Variants in IGF2R observed in about 807,000 individuals in gnomAD.
The protein encoded by IGF2R is insulin like growth factor 2 receptor.
A neutral mutation model predicts 270.6 loss-of-function variants in IGF2R; 91 were observed. The ratio of observed to expected loss-of-function variants is 0.34; its 90% confidence interval spans 0.28 to 0.40. The LOEUF (loss-of-function observed/expected upper bound fraction) is 0.40, where lower values mean the gene tolerates loss of function less well. IGF2R is among the 10% of genes least tolerant of loss of function. The pLI, the probability that IGF2R is intolerant of heterozygous loss-of-function variation, is 1.00. For synonymous variants in IGF2R, 1,316 were observed against 1,258.9 expected (o/e 1.05, Z -0.96); for missense variants, 2,805 against 3,188.3 (o/e 0.88, Z 2.90).
At chr6:160,016,709 G>C (rs529596137) in intron 4 of IGF2R, among the ~76,000 whole-genome samples, 59 of 152,162 alleles carry the variant, frequency 3.9e-4, no homozygotes, top group Non-Finnish European at 7.5e-4. Flanking sequence ...CACCAGCCTG[G>C]TATATTACTA....
At chr6:159,977,106 G>T (rs1313730751) in intron 1 of IGF2R, among the ~76,000 whole-genome samples, 2 of 152,342 alleles carry the variant, frequency 1.3e-5, no homozygotes, top group South Asian at 2.1e-4. Context: ...AATCTCAGCT[G>T]ATGTGTAGTC....
intron 18 of IGF2R, among the ~76,000 whole-genome samples, chr6:160,049,586 C>T (rs1183064592): frequency 3.3e-5 from 5 of 152,150 alleles, no homozygotes; most frequent in East Asian, 3.9e-4. Context: ...GGAACTTCCG[C>T]GCTGCACTGC....
chr6:159,972,971 G>A (rs956118153), intron 1 of IGF2R, among the ~76,000 whole-genome samples: 2 of 152,196 alleles, frequency 1.3e-5, no homozygotes, highest in Non-Finnish European at 2.9e-5. Flanking sequence ...TGAGTTAGAA[G>A]TTAATGATTC....
rs1213521633 is a variant in IGF2R at position 160,050,007 on chromosome 6, A to G, written c.2515-466A>G. On this transcript the variant is annotated intron_variant, in intron 18 of 47. Coordinates refer to ENST00000356956, the MANE Select transcript of IGF2R (RefSeq NM_000876.4). The surrounding 1 kb of genome is among the most constrained non-coding windows in gnomAD (Gnocchi z 4.0). Reference sequence around the variant, plus strand: ...GGTGTGGGGATTGTTTATTGGTAGAAGAGTGCAGGGTGAAGTCATCGGATG... The same window carrying G: ...GGTGTGGGGATTGTTTATTGGTAGAGGAGTGCAGGGTGAAGTCATCGGATG... Among the ~76,000 whole-genome samples the G allele has an allele frequency of 6.6e-6, 1 of 152,230 alleles. No individual in the cohort carries two copies. Among genetic ancestry groups the G allele is most frequent in the African/African-American group, 2.4e-5 (1 of 41,466 alleles).
intron 4 of IGF2R, among the ~76,000 whole-genome samples, chr6:160,015,775 T>C (rs933387542): frequency 6.6e-6 from 1 of 152,156 alleles, no homozygotes; most frequent in African/African-American, 2.4e-5. Flanking sequence ...TGGAAGGTGA[T>C]TAAATCATGG....
At position 160,089,059 on chromosome 6, in the gene IGF2R, T is replaced by C. The variant is rs774292044; in HGVS notation, c.6321-48T>C. ...TGTTCATTGTTTTGCAGTCTTCCCT[T>C]ATGTCTGGCTGGGGAAGTGACTGTA... On this transcript the variant is annotated intron_variant, in intron 42 of 47. Coordinates refer to ENST00000356956, the MANE Select transcript of IGF2R (RefSeq NM_000876.4). 9 of 1,588,360 alleles carry C rather than the reference T, an allele frequency of 5.7e-6. No individual in the cohort carries two copies. In the Admixed American group the frequency reaches 1.5e-4, roughly 27 times the overall value.
rs77398148 is a variant in IGF2R, at chr6:159,989,538, T to C, written c.150-1646T>C. 1.9e-3 allele frequency among the ~76,000 whole-genome samples: 295 copies of C among 152,328 alleles called. 3 individuals carry two copies. The highest frequency in any genetic ancestry group is 6.6e-3 in the African/African-American group (276 of 41,578). ...TAGCCTAAGCAATTCTGATTTAACT[T>C]ATTGCCCCTCCTTTTAGCAATACTG... is the stretch of plus-strand genomic sequence containing the variant. On this transcript the variant is annotated intron_variant, in intron 1 of 47. Transcript: ENST00000356956.
At chr6:160,019,605 A>T (rs1349222865) in intron 4 of IGF2R, among the ~76,000 whole-genome samples, 1 of 152,230 alleles carries the variant, frequency 6.6e-6, no homozygotes, top group African/African-American at 2.4e-5. Flanking sequence ...GCACTTCAGA[A>T]AAATAATACA....
intron 19 of IGF2R, among the ~76,000 whole-genome samples, chr6:160,054,350 G>T (rs1457932125): frequency 6.6e-6 from 1 of 152,156 alleles, no homozygotes; most frequent in African/African-American, 2.4e-5. Context: ...TTACAGTTGG[G>T]CCCTGTATGT....
At chr6:159,995,964 T>C (rs1784047616) in intron 2 of IGF2R, among the ~76,000 whole-genome samples, 2 of 150,990 alleles carry the variant, frequency 1.3e-5, no homozygotes, top group South Asian at 2.1e-4. Context: ...GGATAAACTA[T>C]CTCTTCTTTA....
At chr6:160,057,579 A>C (rs1778342225) in intron 20 of IGF2R, among the ~76,000 whole-genome samples, 1 of 152,202 alleles carries the variant, frequency 6.6e-6, no homozygotes, top group Non-Finnish European at 1.5e-5. Flanking sequence ...GCCCAGGGCA[A>C]AGTTAAATAT....
chr6:160,065,814 G>GTGTGTGTGTGTATATATATATATA, intron 29 of IGF2R, among the ~76,000 whole-genome samples: 24 of 78,344 alleles, frequency 3.1e-4, no homozygotes, highest in East Asian at 6.1e-4. Context: ...GTGTGTGTGT[G>GTGTGTGTGTGTATATATATATATA]TATATATATA....
Position 160,096,588 on chromosome 6 carries a change from C to T in IGF2R, c.6805C>T (p.Leu2269Phe), listed in dbSNP as rs1304993761. ...TCACGAGACTGCCGACTGCCAGTAC[C>T]TCTTCTCTTGGTACACCTCAGCCGT... is the stretch of plus-strand genomic sequence containing the variant. The part of the protein sequence containing the change: ...FSHETADCQY[L>F]FSWYTSAVCP... Residue 2269 changes from leucine (L) to phenylalanine (F), a missense_variant, in exon 45 of 48, where the codon CTC becomes TTC. Leu to Phe is a conservative substitution (Grantham distance 22). Coordinates refer to ENST00000356956, the MANE Select transcript of IGF2R (RefSeq NM_000876.4). 7.4e-6 allele frequency: 12 copies of T among 1,614,174 alleles called. No homozygotes were observed. The Admixed American group carries it at 1.8e-4, about 25-fold the overall frequency.
At chr6:160,059,157 G>T in intron 22 of IGF2R, 59 bp downstream of exon 22, 1 of 1,422,120 alleles carries the variant, frequency 7.0e-7, no homozygotes, top group South Asian at 1.2e-5. Flanking sequence ...TCTGTGGCTG[G>T]CCATGCACCT....
chr6:160,011,072 G>A (rs950502752), intron 4 of IGF2R, among the ~76,000 whole-genome samples: 4 of 152,194 alleles, frequency 2.6e-5, no homozygotes, highest in Non-Finnish European at 5.9e-5. Context: ...GTGCAACTCA[G>A]TAAACTAAGT....
At chr6:160,014,431 C>T (rs1248505395) in intron 4 of IGF2R, among the ~76,000 whole-genome samples, 2 of 152,108 alleles carry the variant, frequency 1.3e-5, no homozygotes, top group Non-Finnish European at 2.9e-5. Context: ...ATGCACACTC[C>T]AGTTCTGTGG....
Position 160,075,470 on chromosome 6 carries a change from G to A in IGF2R, c.5167-377G>A, listed in dbSNP as rs80182019. On this transcript the variant is annotated intron_variant, in intron 35 of 47. Transcript: ENST00000356956. Reference sequence around the variant, plus strand: ...CCGGCCTTCCCCTGTCAGGTGGTGGGAGGACCGTGTAGCATCCTTAGAGGT... The same window carrying A: ...CCGGCCTTCCCCTGTCAGGTGGTGGAAGGACCGTGTAGCATCCTTAGAGGT... 1.2e-4 allele frequency among the ~76,000 whole-genome samples: 19 copies of A among 152,330 alleles called. No individual in the cohort carries two copies. In the East Asian group the frequency reaches 3.7e-3, roughly 29 times the overall value.
intron 41 of IGF2R, among the ~76,000 whole-genome samples, chr6:160,087,318 T>A (rs1779116139): frequency 6.6e-6 from 1 of 152,154 alleles, no homozygotes; most frequent in African/African-American, 2.4e-5. Context: ...GTTTACACAA[T>A]TGGAGCGATA....
At chr6:160,063,292 C>G in intron 26 of IGF2R, 123 bp from the exon 27 acceptor site, 1 of 743,896 alleles carries the variant, frequency 1.3e-6, no homozygotes, top group East Asian at 2.5e-5. Context: ...CCGCCTCAGC[C>G]TCCCAAAGTG....
Sources: gnomAD v4.1 joint callset for allele counts (sites outside exome capture counted in the v4.1 genomes callset) on GRCh38, gnomAD v4.1.1 for gene constraint, Gnocchi (gnomAD v3.1) non-coding constraint, MANE v1.5 for transcripts, NCBI Gene and HGNC (gene_info 2026-07-23, HGNC 2026-07-21) for gene names.